Variants in LRP5 observed in about 807,000 individuals in gnomAD.
LRP5 encodes the protein LDL receptor related protein 5, also known as low-density lipoprotein receptor-related protein 5.
LRP5 carries 62 observed loss-of-function variants against 154.1 expected under a neutral mutation model. The observed-to-expected ratio is 0.40, with a 90% CI of 0.33 to 0.50. The LOEUF is 0.50. LRP5 is among the 20% of genes least tolerant of loss of function. The pLI, the probability that LRP5 is intolerant of heterozygous loss-of-function variation, is 0.55. For synonymous variants in LRP5, 966 were observed against 1,011.5 expected (o/e 0.96, Z 0.85); for missense variants, 1,915 against 2,336.7 (o/e 0.82, Z 3.72).
At chr11:68,370,502 C>G (rs934736893) in intron 5 of LRP5, among the ~76,000 whole-genome samples, 1 of 152,148 alleles carries the variant, frequency 6.6e-6, no homozygotes, top group African/African-American at 2.4e-5. Context: ...TGGCATGGAG[C>G]TGACACCACA....
intron 1 of LRP5, among the ~76,000 whole-genome samples, chr11:68,341,652 C>A (rs762420674): frequency 6.6e-6 from 1 of 152,098 alleles, no homozygotes; most frequent in South Asian, 2.1e-4. Context: ...CGCCATGCTA[C>A]CCCCACACTC....
At chr11:68,412,723 G>A (rs2098660318) in intron 11 of LRP5, among the ~76,000 whole-genome samples, 1 of 152,110 alleles carries the variant, frequency 6.6e-6, no homozygotes, top group Non-Finnish European at 1.5e-5. Context: ...GCAGACAAGG[G>A]AGGAGAGGGT....
chr11:68,420,315 T>A (rs1224556843), intron 13 of LRP5, among the ~76,000 whole-genome samples: 2 of 152,222 alleles, frequency 1.3e-5, no homozygotes, highest in Non-Finnish European at 2.9e-5. Flanking sequence ...TATTTGCCCT[T>A]GTGTGACTGG....
At chr11:68,392,418 C>T (rs573033639) in intron 7 of LRP5, among the ~76,000 whole-genome samples, 192 of 152,126 alleles carry the variant, frequency 1.3e-3, no homozygotes, top group African/African-American at 4.4e-3. Context: ...GCAGGAGAAT[C>T]GCTTGAGCCC....
intron 6 of LRP5, among the ~76,000 whole-genome samples, chr11:68,387,057 G>A (rs1240652392): frequency 6.6e-6 from 1 of 152,130 alleles, no homozygotes; most frequent in African/African-American, 2.4e-5. Flanking sequence ...CAGGATGACA[G>A]TAGTGACAGT....
intron 5 of LRP5, among the ~76,000 whole-genome samples, chr11:68,370,703 C>T (rs1206746640): frequency 2.0e-5 from 3 of 152,230 alleles, no homozygotes; most frequent in Non-Finnish European, 2.9e-5. Flanking sequence ...GTGAGAGGCA[C>T]TTTTACACAT....
At chr11:68,303,451 G>A in the LRP5 span, among the ~76,000 whole-genome samples, 20 of 152,196 alleles carry the variant, frequency 1.3e-4, no homozygotes, top group Admixed American at 1.3e-3. Context: ...GAACATAAGA[G>A]GGATGACCCA....
At chr11:68,325,680 T>C (rs1269698075) in intron 1 of LRP5, among the ~76,000 whole-genome samples, 1 of 152,210 alleles carries the variant, frequency 6.6e-6, no homozygotes, top group Non-Finnish European at 1.5e-5. Context: ...GTTGCGTGTA[T>C]GCGCAGCCTC....
intron 21 of LRP5, among the ~76,000 whole-genome samples, chr11:68,441,640 A>C (rs796909956): frequency 6.6e-5 from 10 of 152,320 alleles, no homozygotes; most frequent in African/African-American, 2.4e-4. Flanking sequence ...AGCACACAGC[A>C]GGCAGCTCAC....
chr11:68,378,376 T>C lies in LRP5; in HGVS notation c.1016-7940T>C, dbSNP rs542086414. Among the ~76,000 whole-genome samples, 40 of 152,202 alleles carry C rather than the reference T, an allele frequency of 2.6e-4. 1 individual carries two copies. In the South Asian group the frequency reaches 8.3e-3, roughly 32 times the overall value. ...TTCGCCCCATCCCTCCCATCCCCTT[T>C]CATTCTTCCTGTCAACACATCTCAG... On this transcript the variant is annotated intron_variant, in intron 5 of 22. Transcript: ENST00000294304.
At chr11:68,422,338 A>G (rs893727473) in intron 13 of LRP5, among the ~76,000 whole-genome samples, 2 of 149,646 alleles carry the variant, frequency 1.3e-5, no homozygotes, top group Non-Finnish European at 1.5e-5. Flanking sequence ...CTCTGACTCA[A>G]TGGAGAGGGA....
intron 21 of LRP5, among the ~76,000 whole-genome samples, chr11:68,444,302 G>C (rs1287154044): frequency 6.6e-6 from 1 of 152,050 alleles, no homozygotes; most frequent in Non-Finnish European, 1.5e-5. Context: ...ATCACCTGAG[G>C]TCAGGAGTTC....
chr11:68,443,583 ATATTTTTT>A (rs1182716309), intron 21 of LRP5, among the ~76,000 whole-genome samples: 80 of 33,062 alleles, frequency 2.4e-3, no homozygotes, highest in South Asian at 4.2e-3. Flanking sequence ...ATATATATAT[ATATTTTTT>A]TTTTTTTTGG....
At position 68,428,943 on chromosome 11, in the gene LRP5, A is replaced by AAG. The variant is rs2098670379; in HGVS notation, c.3638-631_3638-630insGA. On this transcript the variant is annotated intron_variant, in intron 16 of 22. Transcript: ENST00000294304. ...AAAAGTGAAAAAAAAAAAAAAAAAA[A>AAG]AAAATTAGCCAGGCACAGTGGCAGG... 6.3e-4 allele frequency among the ~76,000 whole-genome samples: 2 copies of AAG among 3,172 alleles called. 1 individual carries two copies. The highest frequency in any genetic ancestry group is 1.1e-3 in the Non-Finnish European group (2 of 1,840). 2.1% of individuals were successfully genotyped at this position (3,172 alleles called of 152,430 possible). A position where few individuals can be genotyped will look rare whatever the true frequency, so the allele number is the denominator to read the frequency against.
intron 2 of LRP5, among the ~76,000 whole-genome samples, chr11:68,357,074 T>C (rs2098623728): frequency 6.6e-6 from 1 of 152,122 alleles, no homozygotes; most frequent in South Asian, 2.1e-4. Flanking sequence ...TAGCTGGGAC[T>C]ACAGGTGCTC....
intron 16 of LRP5, among the ~76,000 whole-genome samples, chr11:68,428,977 G>A (rs1202380588): frequency 2.0e-5 from 2 of 101,904 alleles, no homozygotes; most frequent in Non-Finnish European, 4.1e-5. Flanking sequence ...GGTGCCTATT[G>A]TCCCAGCTAC....
At chr11:68,419,606 AT>A (rs1348283876) in intron 13 of LRP5, among the ~76,000 whole-genome samples, 1 of 148,348 alleles carries the variant, frequency 6.7e-6, no homozygotes, top group Non-Finnish European at 1.5e-5. Flanking sequence ...GTGGCGTGGT[AT>A]CAACTCACTG....
intron 3 of LRP5, among the ~76,000 whole-genome samples, chr11:68,361,728 A>C (rs2098628241): frequency 6.6e-6 from 1 of 152,202 alleles, no homozygotes; most frequent in South Asian, 2.1e-4. Context: ...AGGCTGAGGC[A>C]GGAGGATGGA....
intron 14 of LRP5, among the ~76,000 whole-genome samples, chr11:68,424,557 G>T (rs1391656182): frequency 6.6e-6 from 1 of 152,260 alleles, no homozygotes; most frequent in Admixed American, 6.5e-5. Context: ...TAGCAGCTGT[G>T]GGGGGCCTGC....
Sources: allele counts gnomAD v4.1 joint callset (sites outside exome capture counted in the v4.1 genomes callset), GRCh38; gene constraint gnomAD v4.1.1; transcripts MANE v1.5; gene names NCBI Gene and HGNC (gene_info 2026-07-23, HGNC 2026-07-21).